The following DPP6 variants were observed in gnomAD, a reference collection of about 807,000 sequenced individuals.
DPP6 encodes the protein A-type potassium channel modulatory protein DPP6.
A neutral mutation model predicts 122.6 loss-of-function variants in DPP6; 69 were observed. The observed-to-expected ratio is 0.56, with a 90% CI of 0.46 to 0.69. DPP6 has a LOEUF of 0.69. Ranked by LOEUF, DPP6 falls within the 30% of genes least tolerant of loss-of-function variation. DPP6 has a pLI of 0.00. For missense variants in DPP6, 928 were observed against 1,116.9 expected, an observed-to-expected ratio of 0.83 and a Z score of 2.41; for synonymous variants, 418 against 433.1, an observed-to-expected ratio of 0.97 and a Z score of 0.43.
chr7:154,424,703 TTTGGGCGGCC>T (rs1817748629), intron 1 of DPP6, among the ~76,000 whole-genome samples: 1 of 152,232 alleles, frequency 6.6e-6, no homozygotes, highest in Non-Finnish European at 1.5e-5. Flanking sequence ...TTTAGATGTC[TTTGGGCGGCC>T]TTGTTCATTA....
At chr7:154,061,471 A>G (rs142505408) in intron 1 of DPP6, among the ~76,000 whole-genome samples, 15,051 of 128,974 alleles carry the variant, frequency 0.12, 5 homozygotes, top group South Asian at 0.16. Context: ...TGGCCCCCCT[A>G]TTAGAGGGCC....
rs12532804 is a variant in DPP6, at chr7:154,760,633, T to G, written c.884-8784T>G. Among the ~76,000 whole-genome samples, 56,799 of 151,880 alleles carry G rather than the reference T, an allele frequency of 0.37. 10,929 individuals carry two copies. The highest frequency in any genetic ancestry group is 0.47 in the Admixed American group (7,142 of 15,258). The stretch of plus-strand genomic sequence containing the variant: ...TGAGTGGGTGGATGACCCAGTCGAT[T>G]AACAAATGAGTGAGAAACGAGAACA... On this transcript the variant is annotated intron_variant, in intron 8 of 25. Transcript: ENST00000377770. The surrounding 1 kb of genome is among the most constrained non-coding windows in gnomAD (Gnocchi z 4.5).
At chr7:154,368,404 A>G (rs760541350) in intron 1 of DPP6, among the ~76,000 whole-genome samples, 1 of 152,118 alleles carries the variant, frequency 6.6e-6, no homozygotes, top group Non-Finnish European at 1.5e-5. Context: ...CCACCGAATC[A>G]TTATCTCTGG....
rs566076485 is a variant in DPP6 at position 154,803,775 on chromosome 7, C to T, written c.1408-89C>T. ...ACAGAGAGAATGGCAGCCCCTGTCA[C>T]CTGGTGTCCAAAACAGTTGGAGGAT... On this transcript the variant is annotated intron_variant, in intron 13 of 25. Transcript: ENST00000377770. 47 of 1,505,780 alleles carry T rather than the reference C, an allele frequency of 3.1e-5. No individual in the cohort carries two copies. In the East Asian group the frequency reaches 6.2e-4, roughly 20 times the overall value. 93.3% of individuals were successfully genotyped at this position (1,505,780 alleles called of 1,614,324 possible). A position where few individuals can be genotyped will look rare whatever the true frequency, so the allele number is the denominator to read the frequency against.
intron 1 of DPP6, among the ~76,000 whole-genome samples, chr7:154,399,388 T>C (rs1815369641): frequency 6.6e-6 from 1 of 152,224 alleles, no homozygotes; most frequent in Non-Finnish European, 1.5e-5. Context: ...TGTATTTATA[T>C]TGGATAACTC....
chr7:153,928,395 C>CCT (rs1467865041), intron 1 of DPP6, among the ~76,000 whole-genome samples: 1 of 29,994 alleles, frequency 3.3e-5, no homozygotes, highest in African/African-American at 1.3e-4. Flanking sequence ...TCTTTTCTTT[C>CCT]ATTTTTTTTT....
the DPP6 span, among the ~76,000 whole-genome samples, chr7:153,871,634 C>T: frequency 9.2e-5 from 14 of 152,200 alleles, no homozygotes; most frequent in African/African-American, 2.9e-4. Context: ...CTTCGGCTTA[C>T]GCACAGTGCG....
intron 8 of DPP6, among the ~76,000 whole-genome samples, chr7:154,763,264 A>G (rs949560234): frequency 6.6e-6 from 1 of 152,074 alleles, no homozygotes; most frequent in Non-Finnish European, 1.5e-5. Context: ...CCTGGGAGGC[A>G]GAGGTTGCAG....
chr7:154,637,737 G>A, intron 5 of DPP6, 84 bp from the exon 6 acceptor site: 1 of 1,407,708 alleles, frequency 7.1e-7, no homozygotes, highest in African/African-American at 1.4e-5. Flanking sequence ...ACTGATGTTT[G>A]TTAGGATTCA....
intron 1 of DPP6, among the ~76,000 whole-genome samples, chr7:153,960,613 C>A (rs1463093922): frequency 9.8e-6 from 1 of 102,438 alleles, no homozygotes; most frequent in African/African-American, 3.7e-5. Flanking sequence ...CCCAGCCCAG[C>A]TCAGCTTAGC....
At chr7:153,929,163 G>A (rs1801059473) in intron 1 of DPP6, among the ~76,000 whole-genome samples, 1 of 152,172 alleles carries the variant, frequency 6.6e-6, no homozygotes. Context: ...GTGACCAAGG[G>A]CTGAAGCAGG....
intron 1 of DPP6, among the ~76,000 whole-genome samples, chr7:153,938,004 G>A (rs1801534978): frequency 6.6e-6 from 1 of 152,202 alleles, no homozygotes; most frequent in Non-Finnish European, 1.5e-5. Context: ...GGCTGTCCTA[G>A]TTCTCTCTTA....
At chr7:154,612,851 ATTGGGCTT>A (rs1833994475) in intron 5 of DPP6, among the ~76,000 whole-genome samples, 1 of 152,042 alleles carries the variant, frequency 6.6e-6, no homozygotes, top group Non-Finnish European at 1.5e-5. Context: ...GACTTGTCTT[ATTGGGCTT>A]ATTGTCTTAT....
chr7:154,006,707 A>G (rs1421015491), intron 1 of DPP6, among the ~76,000 whole-genome samples: 1 of 152,180 alleles, frequency 6.6e-6, no homozygotes, highest in Non-Finnish European at 1.5e-5. Flanking sequence ...TATTTGCATC[A>G]TAAGGTTACC....
chr7:154,131,656 C>T (rs1174800227), intron 1 of DPP6, among the ~76,000 whole-genome samples: 2 of 152,286 alleles, frequency 1.3e-5, no homozygotes, highest in African/African-American at 4.8e-5. Context: ...AGGGGTTTTT[C>T]TCTTACTAAT....
intron 1 of DPP6, among the ~76,000 whole-genome samples, chr7:154,200,202 A>G (rs1199648757): frequency 6.6e-6 from 1 of 152,058 alleles, no homozygotes; most frequent in Admixed American, 6.6e-5. Flanking sequence ...TTTTTTTTTA[A>G]ACAATTTTTT....
intron 16 of DPP6, among the ~76,000 whole-genome samples, chr7:154,819,321 A>G (rs1040609291): frequency 6.6e-6 from 1 of 152,230 alleles, no homozygotes; most frequent in African/African-American, 2.4e-5. Flanking sequence ...AGGCTGAGAC[A>G]GGAGAATCAC....
intron 1 of DPP6, among the ~76,000 whole-genome samples, chr7:154,404,867 C>A (rs1815939804): frequency 6.6e-6 from 1 of 151,916 alleles, no homozygotes; most frequent in Admixed American, 6.6e-5. Context: ...TATGTACAGA[C>A]CCAATTACAA....
intron 1 of DPP6, among the ~76,000 whole-genome samples, chr7:154,138,039 C>T (rs528129703): frequency 1.7e-4 from 26 of 152,262 alleles, no homozygotes; most frequent in Admixed American, 4.6e-4. Flanking sequence ...AAACATAGAC[C>T]AGTGTTCCTA....
Sources: allele counts gnomAD v4.1 joint callset (sites outside exome capture counted in the v4.1 genomes callset), GRCh38; gene constraint gnomAD v4.1.1; non-coding constraint Gnocchi (gnomAD v3.1); transcripts MANE v1.5; gene names NCBI Gene and HGNC (gene_info 2026-07-23, HGNC 2026-07-21).